The following OSBP2 variants were observed in gnomAD, a reference collection of about 807,000 sequenced individuals.
OSBP2 encodes the protein oxysterol binding protein 2.
OSBP2 carries 66 observed loss-of-function variants against 96.0 expected under a neutral mutation model. The ratio of observed to expected loss-of-function variants is 0.69; its 90% confidence interval spans 0.56 to 0.84. The LOEUF is 0.84. OSBP2 is among the 40% of genes least tolerant of loss of function. The probability of loss-of-function intolerance (pLI) is 0.00; values close to 1 mark genes in which losing one functional copy is unlikely to be tolerated. For missense variants in OSBP2, 1,038 were observed against 1,222.7 expected, an observed-to-expected ratio of 0.85 and a Z score of 2.25; for synonymous variants, 525 against 520.9, an observed-to-expected ratio of 1.01 and a Z score of -0.11.
At chr22:30,714,477 C>A (rs1367495773) in intron 1 of OSBP2, among the ~76,000 whole-genome samples, 1 of 151,854 alleles carries the variant, frequency 6.6e-6, no homozygotes, top group Non-Finnish European at 1.5e-5. Context: ...TTTAAGTGTA[C>A]AGTTCAGTAG....
At chr22:30,812,795 C>T (rs2091027673) in intron 2 of OSBP2, among the ~76,000 whole-genome samples, 1 of 151,584 alleles carries the variant, frequency 6.6e-6, no homozygotes. Flanking sequence ...CTCCTTGTTA[C>T]TCTGATGGGT....
chr22:30,812,008 A>C (rs1414641929), intron 2 of OSBP2, among the ~76,000 whole-genome samples: 2 of 149,858 alleles, frequency 1.3e-5, no homozygotes, highest in Non-Finnish European at 3.0e-5. Context: ...GGTACACGCA[A>C]CCACACCTGG....
Position 30,695,524 on chromosome 22 carries a change from G to A in OSBP2, c.615G>A (p.Val205=). The A allele has an allele frequency of 6.2e-7, 1 of 1,611,180 alleles. No individual in the cohort carries two copies. Among genetic ancestry groups the A allele is most frequent in the Non-Finnish European group, 8.5e-7 (1 of 1,179,998 alleles). ...AGGGCTACCAGCGCCGCTGGTTCGT[G>A]CTGGGCAATGGTTTGCTCTCTTACT... ...YLKGYQRRWF[V]LGNGLLSYYR... Residue 205 remains valine (V), a synonymous_variant, in exon 1 of 14, where the codon GTG becomes GTA. Transcript: ENST00000332585.
chr22:30,786,798 GTGTTTTGTTT>G (rs955283803), intron 2 of OSBP2, among the ~76,000 whole-genome samples: 1 of 151,916 alleles, frequency 6.6e-6, no homozygotes, highest in Non-Finnish European at 1.5e-5. Flanking sequence ...ATCAGGAAAG[GTGTTTTGTTT>G]TGTTTTGTTT....
intron 1 of OSBP2, among the ~76,000 whole-genome samples, chr22:30,730,798 ATATATATATAATT>A (rs1569100613): frequency 7.8e-5 from 4 of 50,958 alleles, no homozygotes; most frequent in African/African-American, 3.1e-4. Context: ...ATATATATAT[ATATATATATAATT>A]TTTTTTTTTT....
At chr22:30,897,109 CATT>C (rs1341779253) in intron 12 of OSBP2, among the ~76,000 whole-genome samples, 1 of 152,036 alleles carries the variant, frequency 6.6e-6, no homozygotes, top group Non-Finnish European at 1.5e-5. Context: ...AGGACAAAAG[CATT>C]ATTAAGGAAG....
At chr22:30,809,707 G>A (rs372068945) in intron 2 of OSBP2, among the ~76,000 whole-genome samples, 1 of 152,202 alleles carries the variant, frequency 6.6e-6, no homozygotes, top group Non-Finnish European at 1.5e-5. Flanking sequence ...GGAGCAGATG[G>A]TAATTTCAGT....
intron 1 of OSBP2, among the ~76,000 whole-genome samples, chr22:30,711,921 C>T (rs1248767700): frequency 1.3e-5 from 2 of 151,992 alleles, no homozygotes; most frequent in Non-Finnish European, 2.9e-5. Flanking sequence ...CTCTGGAGAC[C>T]TGTAGAAAGA....
chr22:30,889,987 G>C (rs1286477562), intron 7 of OSBP2, among the ~76,000 whole-genome samples: 1 of 152,084 alleles, frequency 6.6e-6, no homozygotes, highest in African/African-American at 2.4e-5. Flanking sequence ...GGAGGGGTGG[G>C]CCCTCCTTCA....
chr22:30,809,026 G>A (rs1285926322), intron 2 of OSBP2, among the ~76,000 whole-genome samples: 1 of 152,204 alleles, frequency 6.6e-6, no homozygotes, highest in African/African-American at 2.4e-5. Flanking sequence ...GAGAGGGGAA[G>A]GTCATGTGAA....
chr22:30,788,226 G>A lies in OSBP2; in HGVS notation c.853+46857G>A, dbSNP rs150195927. Among the ~76,000 whole-genome samples the A allele has an allele frequency of 2.8e-3, 426 of 152,268 alleles. 8 individuals carry two copies. Among genetic ancestry groups the A allele is most frequent in the South Asian group, 0.024 (117 of 4,824 alleles). On this transcript the variant is annotated intron_variant, in intron 2 of 13. Transcript: ENST00000332585. Reference sequence around the variant, plus strand: ...GGGACAGTTTGATCAGCTGCAAAGCGTCTTCTCCTGCTGAGTAGGAAGAGG... The same window carrying A: ...GGGACAGTTTGATCAGCTGCAAAGCATCTTCTCCTGCTGAGTAGGAAGAGG...
At chr22:30,778,169 C>CT (rs1569119423) in intron 2 of OSBP2, among the ~76,000 whole-genome samples, 3 of 124,184 alleles carry the variant, frequency 2.4e-5, no homozygotes, top group East Asian at 2.4e-4. Context: ...TAATTTTTGC[C>CT]CTTTTTTTTT....
chr22:30,716,520 C>G (rs552219518), intron 1 of OSBP2, among the ~76,000 whole-genome samples: 1 of 152,000 alleles, frequency 6.6e-6, no homozygotes, highest in Non-Finnish European at 1.5e-5. Flanking sequence ...TCACTGCAAC[C>G]TCCGCCTCCC....
At chr22:30,731,042 C>T (rs1347421906) in intron 1 of OSBP2, among the ~76,000 whole-genome samples, 3 of 150,986 alleles carry the variant, frequency 2.0e-5, no homozygotes, top group East Asian at 2.0e-4. Context: ...GGCGTGGTGG[C>T]GGGCGCCTAT....
At chr22:30,845,680 G>A (rs1247671466) in intron 2 of OSBP2, among the ~76,000 whole-genome samples, 1 of 151,526 alleles carries the variant, frequency 6.6e-6, no homozygotes, top group South Asian at 2.1e-4. Flanking sequence ...TCAGGAGTTC[G>A]AGACCAGCCT....
intron 1 of OSBP2, among the ~76,000 whole-genome samples, chr22:30,738,862 G>A (rs1296232792): frequency 1.3e-5 from 2 of 152,134 alleles, no homozygotes; most frequent in African/African-American, 4.8e-5. Flanking sequence ...GTGCCCAGCT[G>A]ACAAATGTCT....
chr22:30,840,353 C>A (rs922893910), intron 2 of OSBP2, among the ~76,000 whole-genome samples: 4 of 151,536 alleles, frequency 2.6e-5, no homozygotes, highest in African/African-American at 7.3e-5. Context: ...GAAACTGGAT[C>A]CCTTCCTTAC....
At chr22:30,736,237 T>C (rs906584535) in intron 1 of OSBP2, among the ~76,000 whole-genome samples, 1 of 152,224 alleles carries the variant, frequency 6.6e-6, no homozygotes. Context: ...CTTCTAAGCA[T>C]TGAATTCATT....
chr22:30,881,683 C>T lies in OSBP2; in HGVS notation c.1108-5743C>T. 3.8e-6 allele frequency: 5 copies of T among 1,304,152 alleles called. No individual in the cohort carries two copies. In the South Asian group the frequency reaches 4.9e-5, roughly 13 times the overall value. The allele number at this position is 1,304,152 out of a possible 1,614,324, so 80.8% of individuals were successfully genotyped here. On this transcript the variant is annotated intron_variant, in intron 3 of 13. Transcript: ENST00000332585. The surrounding 1 kb of genome is among the most constrained non-coding windows in gnomAD (Gnocchi z 4.5). ...GCACACAGCACACAGCCCAGCTCAG[C>T]ATTCTGAGAACAGCAGGGCCACGCC...
Sources: gnomAD v4.1 joint callset for allele counts (sites outside exome capture counted in the v4.1 genomes callset) on GRCh38, gnomAD v4.1.1 for gene constraint, Gnocchi (gnomAD v3.1) non-coding constraint, MANE v1.5 for transcripts, NCBI Gene and HGNC (gene_info 2026-07-23, HGNC 2026-07-21) for gene names.